Variants in EEA1 observed in about 807,000 individuals in gnomAD.
EEA1 encodes early endosome antigen 1, 162kD.
A neutral mutation model predicts 209.2 loss-of-function variants in EEA1; 111 were observed. The observed-to-expected ratio is 0.53, with a 90% CI of 0.45 to 0.62. The LOEUF (loss-of-function observed/expected upper bound fraction) is 0.62, where lower values mean the gene tolerates loss of function less well. EEA1 is among the 20% of genes least tolerant of loss of function. The pLI is 0.00. For missense variants in EEA1, 1,343 were observed against 1,530.8 expected, an observed-to-expected ratio of 0.88 and a Z score of 2.05; for synonymous variants, 536 against 540.6, an observed-to-expected ratio of 0.99 and a Z score of 0.12.
At chr12:92,858,575 T>C in intron 3 of EEA1, 2 of 753,082 alleles carry the variant, frequency 2.7e-6, no homozygotes, top group Non-Finnish European at 4.9e-6. Context: ...AAAGCCAAAC[T>C]GGCAGAACTA....
intron 5 of EEA1, among the ~76,000 whole-genome samples, chr12:92,856,235 G>GT (rs1273524705): frequency 6.6e-6 from 1 of 152,036 alleles, no homozygotes; most frequent in Non-Finnish European, 1.5e-5. Flanking sequence ...AAATTATTTG[G>GT]TAAAACTTCG....
intron 17 of EEA1, among the ~76,000 whole-genome samples, chr12:92,809,611 C>A (rs1875394918): frequency 6.6e-6 from 1 of 150,852 alleles, no homozygotes; most frequent in African/African-American, 2.4e-5. Context: ...AGGAGAACGG[C>A]TTGAACCTGG....
At chr12:92,913,340 C>CTT (rs1880647248) in intron 1 of EEA1, among the ~76,000 whole-genome samples, 1 of 152,136 alleles carries the variant, frequency 6.6e-6, no homozygotes, top group Non-Finnish European at 1.5e-5. Context: ...ACTTGTATGT[C>CTT]CTCTTTTGAG....
At chr12:92,860,671 A>G (rs796671085) in intron 3 of EEA1, among the ~76,000 whole-genome samples, 2 of 152,284 alleles carry the variant, frequency 1.3e-5, no homozygotes, top group African/African-American at 4.8e-5. Context: ...TGTTAACAGA[A>G]GGGAGGGCAG....
intron 23 of EEA1, among the ~76,000 whole-genome samples, chr12:92,781,521 C>T (rs892769708): frequency 6.6e-6 from 1 of 152,134 alleles, no homozygotes; most frequent in African/African-American, 2.4e-5. Context: ...ATGCTTTCAA[C>T]TTTGAAACTT....
intron 2 of EEA1, chr12:92,884,435 A>G (rs1879294663): frequency 2.1e-6 from 3 of 1,446,302 alleles, no homozygotes; most frequent in Admixed American, 1.7e-5. Flanking sequence ...AGGAAACTTC[A>G]GTGGTGGTGG....
At chr12:92,850,337 C>A (rs116695860) in intron 9 of EEA1, among the ~76,000 whole-genome samples, 1 of 152,170 alleles carries the variant, frequency 6.6e-6, no homozygotes, top group African/African-American at 2.4e-5. Context: ...AAGTTCTGGA[C>A]TGAATTTAGA....
intron 11 of EEA1, among the ~76,000 whole-genome samples, chr12:92,830,006 G>C (rs1876542925): frequency 7.4e-6 from 1 of 134,738 alleles, no homozygotes; most frequent in Non-Finnish European, 1.7e-5. Flanking sequence ...TTTTTAGGGA[G>C]AGTGTGGGGG....
intron 3 of EEA1, among the ~76,000 whole-genome samples, chr12:92,860,003 TCCC>T (rs1370440525): frequency 1.3e-5 from 2 of 152,196 alleles, no homozygotes; most frequent in Admixed American, 1.3e-4. Context: ...TTAAACCATC[TCCC>T]TGGTGCTTAC....
chr12:92,802,311 A>G (rs1874955183), intron 19 of EEA1, 93 bp downstream of exon 19: 11 of 1,194,236 alleles, frequency 9.2e-6, no homozygotes, highest in Non-Finnish European at 1.1e-5. Flanking sequence ...TTAAATGTGG[A>G]AAGAAAAGCA....
chr12:92,826,656 A>C (rs1214234571), intron 12 of EEA1, among the ~76,000 whole-genome samples: 2 of 150,362 alleles, frequency 1.3e-5, no homozygotes, highest in South Asian at 2.1e-4. Flanking sequence ...CAGAGGTCGC[A>C]GTGAGCCGAG....
chr12:92,891,215 T>C (rs1256832841), intron 2 of EEA1, among the ~76,000 whole-genome samples: 1 of 151,990 alleles, frequency 6.6e-6, no homozygotes, highest in African/African-American at 2.4e-5. Context: ...GTCTTTAATA[T>C]CAAAGACAAA....
intron 3 of EEA1, among the ~76,000 whole-genome samples, chr12:92,859,595 A>G (rs1267371520): frequency 6.6e-6 from 1 of 152,168 alleles, no homozygotes; most frequent in Non-Finnish European, 1.5e-5. Context: ...TTTGTTTACC[A>G]TTGTAATGAA....
At chr12:92,892,599 TGGTCTCACTCTGTCATCC>T (rs1879697905) in intron 1 of EEA1, among the ~76,000 whole-genome samples, 1 of 85,976 alleles carries the variant, frequency 1.2e-5, no homozygotes, top group African/African-American at 3.7e-5. Flanking sequence ...TCATCCAGGC[TGGTCTCACTCTGTCATCC>T]AGGCTGGAGC....
chr12:92,787,036 C>T (rs1874164947), intron 22 of EEA1, among the ~76,000 whole-genome samples: 2 of 152,166 alleles, frequency 1.3e-5, no homozygotes, highest in Admixed American at 1.3e-4. Context: ...AGGACCTAAT[C>T]AAGTCCCACC....
chr12:92,928,585 A>G (rs7958123), intron 1 of EEA1, among the ~76,000 whole-genome samples: 148,641 of 152,240 alleles, frequency 0.98, 72,551 homozygotes, highest in East Asian at 1. Context: ...GCAGGTGCGC[A>G]TCGTGTCAAA....
At chr12:92,881,116 A>G (rs1172513030) in intron 2 of EEA1, among the ~76,000 whole-genome samples, 4 of 152,192 alleles carry the variant, frequency 2.6e-5, no homozygotes, top group Admixed American at 2.0e-4. Flanking sequence ...GGCTTTTTAG[A>G]AAACGGGCTC....
In EEA1 at chr12:92,929,079, A is replaced by AC; in HGVS notation, c.-14dup. ...TCCTCCTTAACATGGTTTAACCACC[A>AC]CCCGGCGCCGCCGCGGTGACTCTCC... On this transcript the variant is annotated 5_prime_UTR_variant, in exon 1 of 29. Transcript: ENST00000322349. 1.1e-5 allele frequency: 17 copies of AC among 1,581,264 alleles called. No homozygotes were observed. The highest frequency in any genetic ancestry group is 1.5e-5 in the Non-Finnish European group (17 of 1,164,164).
chr12:92,878,056 G>C (rs946170050), intron 2 of EEA1, among the ~76,000 whole-genome samples: 1 of 152,086 alleles, frequency 6.6e-6, no homozygotes, highest in Admixed American at 6.6e-5. Context: ...GACCTAAAAT[G>C]ATAAGGATAA....
Sources: gnomAD v4.1 joint callset for allele counts (sites outside exome capture counted in the v4.1 genomes callset) on GRCh38, gnomAD v4.1.1 for gene constraint, MANE v1.5 for transcripts, NCBI Gene and HGNC (gene_info 2026-07-23, HGNC 2026-07-21) for gene names.